ABCB4: variants seen among roughly 807,000 people sequenced by gnomAD.
ABCB4 encodes ATP binding cassette subfamily B member 4.
Under a neutral mutation model 145.7 loss-of-function variants are expected in ABCB4, and 76 were observed. The observed-to-expected ratio is 0.52, with a 90% confidence interval of 0.43 to 0.63. The LOEUF (loss-of-function observed/expected upper bound fraction) is 0.63. ABCB4 is among the 30% of genes least tolerant of loss of function. The pLI, the probability that ABCB4 is intolerant of heterozygous loss-of-function variation, is 0.00. For synonymous variants in ABCB4, 517 were observed against 566.8 expected (o/e 0.91, Z 1.25); for missense variants, 1,234 against 1,553.1 (o/e 0.79, Z 3.45).
intron 12 of ABCB4, 118 bp downstream of exon 12, chr7:87,443,201 T>TTTGTAGGC: frequency 7.3e-7 from 1 of 1,362,660 alleles, no homozygotes; most frequent in Non-Finnish European, 1.0e-6. Context: ...GCATTGCCAT[T>TTTGTAGGC]TTGTAGGCTT....
At chr7:87,468,730 A>T (rs997246063) in intron 3 of ABCB4, among the ~76,000 whole-genome samples, 1 of 152,030 alleles carries the variant, frequency 6.6e-6, no homozygotes, top group Non-Finnish European at 1.5e-5. Flanking sequence ...CAAGAGATCA[A>T]GACCATCCTG....
intron 4 of ABCB4, among the ~76,000 whole-genome samples, chr7:87,461,071 G>C (rs918016289): frequency 6.6e-6 from 1 of 152,020 alleles, no homozygotes; most frequent in South Asian, 2.1e-4. Flanking sequence ...TCAGCCTCCA[G>C]AGTAGCTGGG....
chr7:87,420,468 G>A (rs983027136), intron 18 of ABCB4, among the ~76,000 whole-genome samples: 6 of 152,134 alleles, frequency 3.9e-5, no homozygotes, highest in Admixed American at 3.3e-4. Flanking sequence ...AGCTTGGGGA[G>A]ATACTGCTTT....
chr7:87,452,078 G>A (rs1015377875), intron 6 of ABCB4, among the ~76,000 whole-genome samples: 5 of 152,202 alleles, frequency 3.3e-5, no homozygotes, highest in Non-Finnish European at 5.9e-5. Context: ...AAATGTATCT[G>A]TTTAAAAGCA....
At chr7:87,465,352 T>C (rs1015402276) in intron 3 of ABCB4, among the ~76,000 whole-genome samples, 7 of 152,070 alleles carry the variant, frequency 4.6e-5, no homozygotes, top group Admixed American at 3.9e-4. Flanking sequence ...TAGCTGAGAC[T>C]TGAGTAGGTA....
chr7:87,455,085 T>C (rs1250762736), intron 4 of ABCB4, among the ~76,000 whole-genome samples: 1 of 152,118 alleles, frequency 6.6e-6, no homozygotes, highest in East Asian at 1.9e-4. Flanking sequence ...ATGTCTCATA[T>C]GACATAAGTA....
downstream of ABCB4, chr7:87,398,825 G>A (rs533080088): frequency 2.4e-5 from 15 of 613,538 alleles, no homozygotes; most frequent in African/African-American, 2.0e-4. Context: ...TGCCATAGAA[G>A]GTAGAAATAT....
At chr7:87,416,331 T>C (rs1447027092) in intron 21 of ABCB4, among the ~76,000 whole-genome samples, 1 of 152,250 alleles carries the variant, frequency 6.6e-6, no homozygotes, top group Non-Finnish European at 1.5e-5. Flanking sequence ...ACCCAGTCTC[T>C]GACGCCTTCT....
intron 3 of ABCB4, 33 bp downstream of exon 3, chr7:87,472,588 A>C: frequency 6.6e-7 from 1 of 1,526,186 alleles, no homozygotes; most frequent in Non-Finnish European, 9.1e-7. Context: ...AATAAAAGGT[A>C]GGATTATTCA....
intron 14 of ABCB4, among the ~76,000 whole-genome samples, chr7:87,438,679 G>T (rs1810768698): frequency 6.6e-6 from 1 of 152,158 alleles, no homozygotes; most frequent in South Asian, 2.1e-4. Context: ...AGCCCAGGAG[G>T]TGGAGGCTGC....
downstream of ABCB4, among the ~76,000 whole-genome samples, chr7:87,400,106 G>A (rs1426144544): frequency 6.6e-6 from 1 of 152,142 alleles, no homozygotes; most frequent in Non-Finnish European, 1.5e-5. Context: ...TAGTGAGAGT[G>A]TTCTGAGAGG....
chr7:87,397,223 C>T (rs1182590666), downstream of ABCB4, among the ~76,000 whole-genome samples: 3 of 151,924 alleles, frequency 2.0e-5, no homozygotes, highest in African/African-American at 7.3e-5. Flanking sequence ...TGGTAGCACA[C>T]ACCTGTAGTC....
chr7:87,401,846 C>A lies in ABCB4; in HGVS notation c.*250G>T, dbSNP rs1807803207. The A allele has an allele frequency of 4.7e-6, 3 of 636,998 alleles. No homozygotes were observed. The highest frequency in any genetic ancestry group is 8.6e-6 in the Non-Finnish European group (3 of 349,884). The allele number at this position is 636,998 out of a possible 1,614,324, so 39.5% of individuals were successfully genotyped here. On this transcript the variant is annotated 3_prime_UTR_variant, in exon 28 of 28. Coordinates refer to ENST00000649586, the MANE Select transcript of ABCB4 (RefSeq NM_000443.4). ...ACCTGTACTTACCTTGAATTTTGTT[C>A]TTTTTCTGGATGTTTCTAATAACTT...
chr7:87,388,819 T>C, the ABCB4 span, among the ~76,000 whole-genome samples: 1 of 152,080 alleles, frequency 6.6e-6, no homozygotes, highest in East Asian at 1.9e-4. Context: ...CAAATGAAAC[T>C]ATCATCAGAG....
intron 16 of ABCB4, among the ~76,000 whole-genome samples, chr7:87,426,525 G>C (rs967459585): frequency 2.0e-5 from 3 of 151,638 alleles, no homozygotes; most frequent in African/African-American, 7.3e-5. Flanking sequence ...TCAGCGTAAA[G>C]ACTACATTTC....
intron 8 of ABCB4, among the ~76,000 whole-genome samples, chr7:87,449,359 T>A (rs910265267): frequency 6.6e-6 from 1 of 152,124 alleles, no homozygotes; most frequent in African/African-American, 2.4e-5. Context: ...AATATTTTGA[T>A]AAGTATTTTT....
At chr7:87,469,782 G>T (rs1267856316) in intron 3 of ABCB4, among the ~76,000 whole-genome samples, 2 of 152,164 alleles carry the variant, frequency 1.3e-5, no homozygotes, top group Non-Finnish European at 2.9e-5. Flanking sequence ...TCGTGAAAAT[G>T]GCCATACTGC....
At chr7:87,418,302 T>C (rs1809141102) in intron 20 of ABCB4, among the ~76,000 whole-genome samples, 1 of 152,204 alleles carries the variant, frequency 6.6e-6, no homozygotes, top group Non-Finnish European at 1.5e-5. Flanking sequence ...CTGCAGGGAA[T>C]CAGCCTTGGG....
At chr7:87,465,771 C>A (rs1433201270) in intron 3 of ABCB4, among the ~76,000 whole-genome samples, 6 of 152,188 alleles carry the variant, frequency 3.9e-5, no homozygotes, top group Admixed American at 3.9e-4. Context: ...GCCTCCGCTG[C>A]TGATACCCAG....
Sources: allele counts gnomAD v4.1 joint callset (sites outside exome capture counted in the v4.1 genomes callset), GRCh38; gene constraint gnomAD v4.1.1; transcripts MANE v1.5; gene names NCBI Gene and HGNC (gene_info 2026-07-23, HGNC 2026-07-21).